ZMAT4: variants seen among roughly 807,000 people sequenced by gnomAD.
ZMAT4 encodes the protein zinc finger matrin-type protein 4.
ZMAT4 carries 17 observed loss-of-function variants against 28.7 expected under a neutral mutation model. The observed-to-expected ratio is 0.59, with a 90% CI of 0.41 to 0.89. The LOEUF (loss-of-function observed/expected upper bound fraction) is 0.89. ZMAT4 is among the 40% of genes least tolerant of loss of function. The pLI is 0.00. For missense variants in ZMAT4, 240 were observed against 283.8 expected, an observed-to-expected ratio of 0.85 and a Z score of 1.11; for synonymous variants, 117 against 109.2, an observed-to-expected ratio of 1.07 and a Z score of -0.44.
intron 3 of ZMAT4, among the ~76,000 whole-genome samples, chr8:40,749,992 C>T (rs945779403): frequency 2.6e-5 from 4 of 152,134 alleles, no homozygotes; most frequent in South Asian, 2.1e-4. Context: ...GTTTGCCAGA[C>T]GTAAGTCCAA....
chr8:40,580,047 T>C (rs2722411), intron 6 of ZMAT4, among the ~76,000 whole-genome samples: 143,955 of 146,486 alleles, frequency 0.98, 70,804 homozygotes, highest in Middle Eastern at 1. Context: ...AAGTCCTGCT[T>C]TGTCACCCAG....
chr8:40,545,478 C>T (rs1038627746), intron 6 of ZMAT4, among the ~76,000 whole-genome samples: 2 of 152,064 alleles, frequency 1.3e-5, no homozygotes, highest in Non-Finnish European at 1.5e-5. Flanking sequence ...AGAATGCAAC[C>T]TTATTTGGAA....
At chr8:40,661,746 C>A (rs1470842606) in intron 5 of ZMAT4, among the ~76,000 whole-genome samples, 1 of 152,192 alleles carries the variant, frequency 6.6e-6, no homozygotes, top group Non-Finnish European at 1.5e-5. Flanking sequence ...TCAGAGGCAG[C>A]ATAATGGATA....
intron 3 of ZMAT4, among the ~76,000 whole-genome samples, chr8:40,709,433 G>A (rs1374753704): frequency 1.3e-5 from 2 of 152,068 alleles, no homozygotes; most frequent in Non-Finnish European, 2.9e-5. Context: ...AAACCGTATA[G>A]AAAGATATTT....
chr8:40,777,614 C>T (rs994799746), intron 2 of ZMAT4, among the ~76,000 whole-genome samples: 3 of 152,094 alleles, frequency 2.0e-5, no homozygotes, highest in Admixed American at 1.3e-4. Flanking sequence ...GGCAGAGGGG[C>T]GGAGGGCATG....
chr8:40,706,813 G>T (rs988209799), intron 3 of ZMAT4, among the ~76,000 whole-genome samples: 1 of 151,994 alleles, frequency 6.6e-6, no homozygotes, highest in South Asian at 2.1e-4. Context: ...TCATCTCCCG[G>T]CTGCCTGTTT....
intron 3 of ZMAT4, among the ~76,000 whole-genome samples, chr8:40,702,743 G>A (rs546456495): frequency 3.9e-5 from 6 of 152,164 alleles, no homozygotes; most frequent in African/African-American, 1.2e-4. Context: ...GAAAACACAC[G>A]AGTTAGCTAA....
At chr8:40,881,144 G>A (rs1374032052) in intron 1 of ZMAT4, among the ~76,000 whole-genome samples, 3 of 152,066 alleles carry the variant, frequency 2.0e-5, no homozygotes, top group South Asian at 2.1e-4. Flanking sequence ...TTGAGAGGCC[G>A]AACTGGGAGG....
intron 4 of ZMAT4, among the ~76,000 whole-genome samples, chr8:40,692,161 C>G (rs1164577305): frequency 6.6e-6 from 1 of 152,112 alleles, no homozygotes; most frequent in Admixed American, 6.5e-5. Flanking sequence ...CAGTCATGAA[C>G]AGAGGCAGTA....
intron 1 of ZMAT4, among the ~76,000 whole-genome samples, chr8:40,881,599 A>T: frequency 1.3e-5 from 1 of 78,260 alleles, no homozygotes; most frequent in Admixed American, 1.3e-4. Context: ...AGAAAGAAAG[A>T]AAAGAAAAGA....
At chr8:40,877,730 T>C (rs1176529729) in intron 1 of ZMAT4, among the ~76,000 whole-genome samples, 1 of 150,822 alleles carries the variant, frequency 6.6e-6, no homozygotes, top group African/African-American at 2.4e-5. Context: ...AGAGACGGAG[T>C]AGGGAGACAG....
intron 5 of ZMAT4, among the ~76,000 whole-genome samples, chr8:40,602,694 C>A (rs1458356922): frequency 1.3e-5 from 2 of 151,890 alleles, no homozygotes; most frequent in Non-Finnish European, 2.9e-5. Context: ...CTATTTATGT[C>A]CTTAGCCCAC....
At chr8:40,549,457 A>G (rs1022937705) in intron 6 of ZMAT4, among the ~76,000 whole-genome samples, 2 of 152,118 alleles carry the variant, frequency 1.3e-5, no homozygotes, top group Non-Finnish European at 2.9e-5. Flanking sequence ...GAGGCCTAAA[A>G]TGCTTCACTG....
intron 2 of ZMAT4, among the ~76,000 whole-genome samples, chr8:40,824,751 A>AG: frequency 6.6e-6 from 1 of 151,316 alleles, no homozygotes; most frequent in Non-Finnish European, 1.5e-5. Flanking sequence ...AAGAAAAGAA[A>AG]AAAAGAAAGA....
chr8:40,817,628 G>A (rs1301971654), intron 2 of ZMAT4, among the ~76,000 whole-genome samples: 1 of 152,180 alleles, frequency 6.6e-6, no homozygotes, highest in Non-Finnish European at 1.5e-5. Context: ...CCATTGAAAA[G>A]TGTAGGGGAA....
At chr8:40,882,488 T>C (rs1270265988) in intron 1 of ZMAT4, among the ~76,000 whole-genome samples, 2 of 152,082 alleles carry the variant, frequency 1.3e-5, no homozygotes, top group Non-Finnish European at 2.9e-5. Flanking sequence ...TATTGTAGCT[T>C]TCTTACTTAC....
At position 40,841,113 on chromosome 8, in the gene ZMAT4, G is replaced by A. The variant is rs536279228; in HGVS notation, c.-4-15433C>T. ...GGCTACTTAGTCCTATAGGAACAAC[G>A]GTCCTTGGCAACGTCATTCGATCTG... On this transcript the variant is annotated intron_variant, in intron 1 of 6. Coordinates refer to ENST00000297737, the MANE Select transcript of ZMAT4 (RefSeq NM_024645.3). Among the ~76,000 whole-genome samples, 21 of 152,274 alleles carry A rather than the reference G, an allele frequency of 1.4e-4. No homozygotes were observed. The East Asian group carries it at 3.5e-3, about 25-fold the overall frequency.
intron 1 of ZMAT4, among the ~76,000 whole-genome samples, chr8:40,868,716 C>T (rs1817755547): frequency 1.3e-5 from 2 of 152,226 alleles, no homozygotes; most frequent in South Asian, 4.1e-4. Context: ...CTAAAGCTGA[C>T]TGGGTGATCT....
intron 5 of ZMAT4, among the ~76,000 whole-genome samples, chr8:40,652,928 C>G (rs1206971743): frequency 8.8e-6 from 1 of 113,652 alleles, no homozygotes; most frequent in East Asian, 2.5e-4. Flanking sequence ...CTCTGGGGAC[C>G]GTTGTGGGGT....
Sources: allele counts gnomAD v4.1 joint callset (sites outside exome capture counted in the v4.1 genomes callset), GRCh38; gene constraint gnomAD v4.1.1; transcripts MANE v1.5; gene names NCBI Gene and HGNC (gene_info 2026-07-23, HGNC 2026-07-21).